The following STK3 variants were observed in gnomAD, a reference collection of about 807,000 sequenced individuals.
STK3 encodes serine/threonine kinase 3, also known as serine/threonine-protein kinase 3.
Under a neutral mutation model 58.0 loss-of-function variants are expected in STK3, and 41 were observed. The ratio of observed to expected loss-of-function variants is 0.71; its 90% CI spans 0.55 to 0.92. The LOEUF is 0.92. STK3 is among the 40% of genes least tolerant of loss of function. The pLI, the probability that STK3 is intolerant of heterozygous loss-of-function variation, is 0.00. For synonymous variants in STK3, 170 were observed against 191.0 expected (o/e 0.89, Z 0.91); for missense variants, 479 against 602.7 (o/e 0.79, Z 2.15).
intron 9 of STK3, among the ~76,000 whole-genome samples, chr8:98,530,971 C>G (rs1341589520): frequency 1.3e-5 from 2 of 152,310 alleles, no homozygotes; most frequent in Middle Eastern, 3.4e-3. Context: ...GCTGTACTTC[C>G]AAGTCTAGTT....
chr8:98,614,938 T>C (rs533414473), intron 6 of STK3, among the ~76,000 whole-genome samples: 8 of 152,224 alleles, frequency 5.3e-5, no homozygotes, highest in Middle Eastern at 3.4e-3. Flanking sequence ...GCCAGGAAGC[T>C]CCAACTGGGT....
chr8:98,457,101 A>G (rs919877055), intron 10 of STK3, among the ~76,000 whole-genome samples: 2 of 152,240 alleles, frequency 1.3e-5, no homozygotes, highest in Non-Finnish European at 2.9e-5. Context: ...TCGGTGCATA[A>G]GAAGTTCTGG....
intron 3 of STK3, among the ~76,000 whole-genome samples, chr8:98,840,301 C>A (rs1363227707): frequency 6.8e-6 from 1 of 146,140 alleles, no homozygotes; most frequent in African/African-American, 2.6e-5. Context: ...GAGCCAAGAA[C>A]GCACCACTCC....
At chr8:98,539,412 T>C (rs529259077) in intron 9 of STK3, among the ~76,000 whole-genome samples, 2 of 152,174 alleles carry the variant, frequency 1.3e-5, no homozygotes, top group South Asian at 4.2e-4. Context: ...CTAGGAACAA[T>C]GGATGAACCA....
intron 1 of STK3, among the ~76,000 whole-genome samples, chr8:98,939,000 C>T (rs1840295175): frequency 6.6e-6 from 1 of 152,152 alleles, no homozygotes; most frequent in African/African-American, 2.4e-5. Context: ...CGCACTTTTT[C>T]TCCATTGCTC....
intron 6 of STK3, among the ~76,000 whole-genome samples, chr8:98,662,611 C>A (rs566064624): frequency 1.3e-5 from 2 of 151,470 alleles, no homozygotes; most frequent in South Asian, 4.2e-4. Context: ...GTTATGAAGG[C>A]TTTGAAACCA....
chr8:98,478,901 T>G (rs1258018998), intron 10 of STK3, among the ~76,000 whole-genome samples: 1 of 152,204 alleles, frequency 6.6e-6, no homozygotes, highest in East Asian at 1.9e-4. Context: ...ATTTACGAGC[T>G]TCTGTCGTTA....
At chr8:98,940,178 T>A (rs903248098) in intron 1 of STK3, among the ~76,000 whole-genome samples, 21 of 152,110 alleles carry the variant, frequency 1.4e-4, no homozygotes, top group African/African-American at 5.1e-4. Flanking sequence ...GCCCGAGCCG[T>A]ATCCAGCTTG....
At chr8:98,840,583 G>C in intron 3 of STK3, among the ~76,000 whole-genome samples, 1 of 80,116 alleles carries the variant, frequency 1.2e-5, no homozygotes, top group South Asian at 5.3e-4. Flanking sequence ...AGAAAAAAAT[G>C]TATATATATA....
At chr8:98,419,888 C>T (rs182176039) in intron 3 of STK3, among the ~76,000 whole-genome samples, 200 of 152,246 alleles carry the variant, frequency 1.3e-3, no homozygotes, top group Non-Finnish European at 2.0e-3. Flanking sequence ...CTGTCTCTTC[C>T]CTTATCGCTC....
intron 3 of STK3, among the ~76,000 whole-genome samples, chr8:98,761,460 T>C (rs558658550): frequency 4.9e-4 from 74 of 152,296 alleles, no homozygotes; most frequent in Non-Finnish European, 8.4e-4. Flanking sequence ...TTGAATTTCA[T>C]TCTAATTGAA....
chr8:98,504,083 T>C (rs1331416623), intron 10 of STK3, among the ~76,000 whole-genome samples: 5 of 152,196 alleles, frequency 3.3e-5, no homozygotes, highest in Non-Finnish European at 7.3e-5. Flanking sequence ...CATTGGGTGG[T>C]ACATACATAT....
intron 3 of STK3, among the ~76,000 whole-genome samples, chr8:98,766,550 T>G (rs185626041): frequency 3.5e-4 from 54 of 152,268 alleles, no homozygotes; most frequent in African/African-American, 1.3e-3. Flanking sequence ...CCCAAGTAGC[T>G]AGAACTACAA....
At chr8:98,580,543 A>G (rs1273943212) in intron 7 of STK3, among the ~76,000 whole-genome samples, 2 of 152,238 alleles carry the variant, frequency 1.3e-5, no homozygotes, top group Non-Finnish European at 2.9e-5. Context: ...AATCAGTTTC[A>G]GTAATTTTCA....
chr8:98,535,188 A>T (rs928726798), intron 9 of STK3, among the ~76,000 whole-genome samples: 2 of 152,216 alleles, frequency 1.3e-5, no homozygotes, highest in African/African-American at 4.8e-5. Context: ...CTGGAAAAGT[A>T]AGAAACTCCT....
chr8:98,816,607 C>T (rs1322038265), intron 1 of STK3, among the ~76,000 whole-genome samples: 1 of 152,106 alleles, frequency 6.6e-6, no homozygotes, highest in Non-Finnish European at 1.5e-5. Flanking sequence ...AATCTCAGCT[C>T]ACTGCAACCT....
rs375360636 is a variant in STK3, at chr8:98,696,590, C to T, written c.684+9877G>A. ...AAGCATTGTTGAATTTTGTCAAAGG[C>T]CTTTTCTGCATCTATTGAGATAATC... On this transcript the variant is annotated intron_variant, in intron 6 of 10. Coordinates refer to ENST00000419617, the MANE Select transcript of STK3 (RefSeq NM_006281.4). Among the ~76,000 whole-genome samples the T allele has an allele frequency of 5.3e-5, 8 of 152,202 alleles. No homozygotes were observed. The South Asian group carries it at 8.3e-4, about 16-fold the overall frequency.
At chr8:98,462,695 G>A (rs1563626083) in intron 10 of STK3, among the ~76,000 whole-genome samples, 1 of 152,166 alleles carries the variant, frequency 6.6e-6, no homozygotes, top group Non-Finnish European at 1.5e-5. Flanking sequence ...AAGCATAGTA[G>A]AATGAATTTT....
intron 6 of STK3, among the ~76,000 whole-genome samples, chr8:98,619,165 C>A (rs201456847): frequency 6.6e-6 from 1 of 150,640 alleles, no homozygotes; most frequent in Non-Finnish European, 1.5e-5. Flanking sequence ...ACGCCGCATA[C>A]CTACAACTAT....
Sources: gnomAD v4.1 joint callset for allele counts (sites outside exome capture counted in the v4.1 genomes callset) on GRCh38, gnomAD v4.1.1 for gene constraint, MANE v1.5 for transcripts, NCBI Gene and HGNC (gene_info 2026-07-23, HGNC 2026-07-21) for gene names.